Variants in TMPRSS7 observed in about 807,000 individuals in gnomAD.
The protein encoded by TMPRSS7 is transmembrane protease serine 7.
A neutral mutation model predicts 95.6 loss-of-function variants in TMPRSS7; 81 were observed. That is an observed-to-expected ratio of 0.85 (90% CI 0.71 to 1.02). The LOEUF (loss-of-function observed/expected upper bound fraction) is 1.02, where lower values mean the gene tolerates loss of function less well. TMPRSS7 is among the 50% of genes least tolerant of loss of function. The pLI is 0.00. For missense variants in TMPRSS7, 945 were observed against 955.2 expected (o/e 0.99, Z 0.14); for synonymous variants, 364 against 337.8 (o/e 1.08, Z -0.85).
chr3:112,079,607 C>A (rs759696720), intron 17 of TMPRSS7, among the ~76,000 whole-genome samples: 27 of 152,012 alleles, frequency 1.8e-4, no homozygotes, highest in Non-Finnish European at 3.4e-4. Context: ...ATTCTTCTTC[C>A]AGTGTGGCTC....
At chr3:112,052,179 G>A (rs946928349) in intron 9 of TMPRSS7, among the ~76,000 whole-genome samples, 1 of 152,242 alleles carries the variant, frequency 6.6e-6, no homozygotes, top group East Asian at 1.9e-4. Context: ...GAGGTGTGAA[G>A]CATAACAAGT....
At chr3:112,069,759 T>C (rs1413607399) in intron 13 of TMPRSS7, among the ~76,000 whole-genome samples, 4 of 152,180 alleles carry the variant, frequency 2.6e-5, no homozygotes. Context: ...ATTTTGTTGA[T>C]CATTTCAAAA....
intron 13 of TMPRSS7, among the ~76,000 whole-genome samples, chr3:112,069,425 A>T (rs930293716): frequency 1.3e-4 from 20 of 152,132 alleles, no homozygotes; most frequent in African/African-American, 4.1e-4. Flanking sequence ...TGTGCCTCTG[A>T]TAGAATTTGG....
At chr3:112,080,084 C>G (rs2073758976) in intron 17 of TMPRSS7, among the ~76,000 whole-genome samples, 1 of 152,128 alleles carries the variant, frequency 6.6e-6, no homozygotes, top group Non-Finnish European at 1.5e-5. Flanking sequence ...TGGAATTTTC[C>G]TAATCAGGTA....
intron 9 of TMPRSS7, among the ~76,000 whole-genome samples, chr3:112,054,171 G>C (rs1042810483): frequency 6.6e-6 from 1 of 152,160 alleles, no homozygotes; most frequent in African/African-American, 2.4e-5. Context: ...CTTGGGTTGT[G>C]TACACACCAC....
At chr3:112,063,688 C>A in intron 12 of TMPRSS7, 56 bp downstream of exon 12, 2 of 1,379,682 alleles carry the variant, frequency 1.4e-6, no homozygotes, top group South Asian at 1.2e-5. Flanking sequence ...TTCTCAGGAC[C>A]ATGATTGCTG....
chr3:112,051,579 CTA>C (rs2073352222), intron 9 of TMPRSS7, among the ~76,000 whole-genome samples: 4 of 149,660 alleles, frequency 2.7e-5, no homozygotes, highest in African/African-American at 1.0e-4. Flanking sequence ...ATCTATCTAT[CTA>C]TATCTATCTC....
intron 17 of TMPRSS7, among the ~76,000 whole-genome samples, 169 bp from the exon 18 acceptor site, chr3:112,080,745 T>C (rs963470798): frequency 6.6e-6 from 1 of 152,182 alleles, no homozygotes; most frequent in African/African-American, 2.4e-5. Flanking sequence ...AATTATAAAA[T>C]GATAGAAGTT....
chr3:112,045,866 A>G (rs1229252418), exon 5 of TMPRSS7: 2 of 1,551,920 alleles, frequency 1.3e-6, no homozygotes, highest in South Asian at 2.4e-5. Flanking sequence ...GACTCCATCC[A>G]GACAAGCATC....
At chr3:112,038,763 T>A (rs751769809) in intron 2 of TMPRSS7, among the ~76,000 whole-genome samples, 6 of 152,060 alleles carry the variant, frequency 3.9e-5, no homozygotes, top group Non-Finnish European at 8.8e-5. Flanking sequence ...ATTACAGGCG[T>A]GAACCATGGT....
intron 15 of TMPRSS7, among the ~76,000 whole-genome samples, chr3:112,075,864 G>A (rs2073705792): frequency 6.6e-6 from 1 of 152,092 alleles, no homozygotes; most frequent in Non-Finnish European, 1.5e-5. Flanking sequence ...TCCAGCCAAG[G>A]GTAAGAGGAC....
chr3:112,072,109 G>A (rs1412855833), intron 13 of TMPRSS7, among the ~76,000 whole-genome samples: 1 of 152,168 alleles, frequency 6.6e-6, no homozygotes, highest in East Asian at 1.9e-4. Context: ...CTTTGATGTT[G>A]GTGACTTACA....
intron 9 of TMPRSS7, among the ~76,000 whole-genome samples, chr3:112,053,910 A>G (rs943772485): frequency 7.9e-5 from 12 of 152,150 alleles, no homozygotes; most frequent in African/African-American, 2.9e-4. Context: ...ACATTTTGTT[A>G]TAGAATCTTA....
At position 112,059,785 on chromosome 3, in the gene TMPRSS7, A is replaced by G. The variant is rs2073476921; in HGVS notation, c.1311-2002A>G. On this transcript the variant is annotated intron_variant, in intron 10 of 17. Transcript: ENST00000452346. ...TTGCAAAAGACTCTTCCTGAAAAAC[A>G]CATGAATGCTTTCCTCCTTTAATCC... Among the ~76,000 whole-genome samples the G allele has an allele frequency of 1.3e-5, 2 of 152,250 alleles. 1 individual carries two copies. The highest frequency in any genetic ancestry group is 4.8e-5 in the African/African-American group (2 of 41,458).
At chr3:112,057,109 T>C in exon 10 of TMPRSS7, 1 of 1,611,980 alleles carries the variant, frequency 6.2e-7, no homozygotes, top group Non-Finnish European at 8.5e-7. Context: ...TGAGCATGGA[T>C]GGTGGGAAAT....
chr3:112,042,111 A>G, intron 3 of TMPRSS7, 61 bp downstream of exon 3: 2 of 1,394,872 alleles, frequency 1.4e-6, no homozygotes, highest in East Asian at 5.0e-5. Flanking sequence ...GTGGGGGATG[A>G]AGCTGGAGGG....
At chr3:112,045,938 T>C in exon 5 of TMPRSS7, 1 of 1,546,740 alleles carries the variant, frequency 6.5e-7, no homozygotes, top group Non-Finnish European at 8.7e-7. Flanking sequence ...TCTGTGGTAC[T>C]AAATGGTGAT....
In TMPRSS7 at chr3:112,044,345, A is replaced by G. The variant is rs138011697; in HGVS notation, c.497+23A>G. On this transcript the variant is annotated intron_variant, in intron 4 of 17. Coordinates refer to ENST00000452346, the Ensembl canonical transcript of TMPRSS7. Reference sequence around the variant, plus strand: ...CAGGTAATGCATGTCCCTTGTTTTGAGATTTCTGTGTTCATTGTTCTAAAG... The same window carrying G: ...CAGGTAATGCATGTCCCTTGTTTTGGGATTTCTGTGTTCATTGTTCTAAAG... The G allele has an allele frequency of 1.0e-3, 1,591 of 1,541,240 alleles. 18 individuals carry two copies. In the African/African-American group the frequency reaches 0.02, roughly 19 times the overall value.
At chr3:112,080,879 A>G in intron 17 of TMPRSS7, 35 bp from the exon 18 acceptor site, 1 of 1,582,332 alleles carries the variant, frequency 6.3e-7, no homozygotes, top group Admixed American at 1.8e-5. Context: ...TCATGGGACC[A>G]ATTTACTTTA....
Sources: gnomAD v4.1 joint callset for allele counts (sites outside exome capture counted in the v4.1 genomes callset) on GRCh38, gnomAD v4.1.1 for gene constraint, MANE v1.5 for transcripts, NCBI Gene and HGNC (gene_info 2026-07-23, HGNC 2026-07-21) for gene names.